PHKB: variants seen among roughly 807,000 people sequenced by gnomAD.
The protein encoded by PHKB is phosphorylase kinase regulatory subunit beta, also known as phosphorylase b kinase regulatory subunit beta.
Under a neutral mutation model 152.1 loss-of-function variants are expected in PHKB, and 122 were observed. The ratio of observed to expected loss-of-function variants is 0.80; its 90% CI spans 0.69 to 0.93. The LOEUF is 0.93. Ranked by LOEUF, PHKB falls within the 40% of genes least tolerant of loss-of-function variation. PHKB has a pLI of 0.00. For missense variants in PHKB, 1,304 were observed against 1,328.4 expected, an observed-to-expected ratio of 0.98 and a Z score of 0.29; for synonymous variants, 436 against 464.9, an observed-to-expected ratio of 0.94 and a Z score of 0.80.
chr16:47,494,648 C>G (rs183092911), intron 1 of PHKB, among the ~76,000 whole-genome samples: 1 of 151,998 alleles, frequency 6.6e-6, no homozygotes, highest in Non-Finnish European at 1.5e-5. Flanking sequence ...GTGATGTTTG[C>G]GTATAGACAT....
intron 16 of PHKB, among the ~76,000 whole-genome samples, chr16:47,642,274 C>T (rs1321034978): frequency 6.6e-6 from 1 of 152,020 alleles, no homozygotes; most frequent in African/African-American, 2.4e-5. Flanking sequence ...GGTCTCAAAG[C>T]AATTATAAAG....
chr16:47,593,221 G>A (rs1320681074), intron 10 of PHKB, among the ~76,000 whole-genome samples: 1 of 146,074 alleles, frequency 6.8e-6, no homozygotes, highest in Non-Finnish European at 1.5e-5. Flanking sequence ...AAGAAAGAAA[G>A]AGGGAAGGAG....
At chr16:47,654,693 A>G (rs1461297692) in intron 20 of PHKB, among the ~76,000 whole-genome samples, 2 of 151,994 alleles carry the variant, frequency 1.3e-5, no homozygotes, top group African/African-American at 4.8e-5. Flanking sequence ...TCAGCAAACT[A>G]TCGCAAGGAC....
chr16:47,540,508 G>T (rs1448655766), intron 6 of PHKB, among the ~76,000 whole-genome samples: 4 of 151,898 alleles, frequency 2.6e-5, no homozygotes, highest in Non-Finnish European at 5.9e-5. Flanking sequence ...AATAAAACTT[G>T]CTGGTTTTGC....
At chr16:47,500,321 A>G (rs1431053849) in intron 3 of PHKB, among the ~76,000 whole-genome samples, 1 of 152,184 alleles carries the variant, frequency 6.6e-6, no homozygotes, top group East Asian at 1.9e-4. Flanking sequence ...GGTGTGAACC[A>G]CCATGCCCAG....
intron 20 of PHKB, among the ~76,000 whole-genome samples, chr16:47,652,403 A>G (rs1973253803): frequency 6.9e-6 from 1 of 144,504 alleles, no homozygotes; most frequent in South Asian, 2.2e-4. Flanking sequence ...TTTTTAATAC[A>G]TACACAGTAA....
chr16:47,544,228 G>A (rs1338268102), intron 6 of PHKB, among the ~76,000 whole-genome samples: 1 of 152,198 alleles, frequency 6.6e-6, no homozygotes, highest in African/African-American at 2.4e-5. Context: ...GGCATTTAGT[G>A]CTATAAATTT....
intron 7 of PHKB, among the ~76,000 whole-genome samples, chr16:47,569,836 T>G (rs2151686819): frequency 6.6e-6 from 1 of 152,298 alleles, no homozygotes; most frequent in African/African-American, 2.4e-5. Context: ...TTGACCAGGC[T>G]GGTCTTGAAC....
chr16:47,589,605 A>G (rs564934860), intron 10 of PHKB, among the ~76,000 whole-genome samples: 3 of 152,312 alleles, frequency 2.0e-5, no homozygotes, highest in South Asian at 4.1e-4. Context: ...CTTTTAAAAT[A>G]TAGTCCTCTA....
chr16:47,582,944 G>A (rs766336739), intron 8 of PHKB, among the ~76,000 whole-genome samples: 14 of 152,094 alleles, frequency 9.2e-5, no homozygotes, highest in Non-Finnish European at 1.8e-4. Flanking sequence ...GTACAGGCAT[G>A]TGCCACCACA....
chr16:47,657,690 T>A (rs1331753377), intron 20 of PHKB, among the ~76,000 whole-genome samples: 1 of 152,220 alleles, frequency 6.6e-6, no homozygotes, highest in Non-Finnish European at 1.5e-5. Context: ...AATAAACATT[T>A]ATTTTATGGG....
chr16:47,618,068 A>G (rs1441752763), intron 14 of PHKB, among the ~76,000 whole-genome samples: 1 of 152,222 alleles, frequency 6.6e-6, no homozygotes. Context: ...TTGCAAATCC[A>G]GTGCCCCTCT....
intron 6 of PHKB, among the ~76,000 whole-genome samples, chr16:47,518,629 G>GT (rs1168077200): frequency 4.6e-5 from 7 of 152,110 alleles, no homozygotes; most frequent in Non-Finnish European, 1.0e-4. Context: ...CCTAGTGTCT[G>GT]TAATAGTCTT....
intron 6 of PHKB, among the ~76,000 whole-genome samples, chr16:47,517,255 ATTTT>A (rs1214324029): frequency 7.1e-6 from 1 of 140,420 alleles, no homozygotes. Context: ...TTGTTCAGTA[ATTTT>A]TTTTTTTTTT....
chr16:47,619,839 T>A (rs1306980952), intron 14 of PHKB, among the ~76,000 whole-genome samples: 1 of 152,166 alleles, frequency 6.6e-6, no homozygotes, highest in Non-Finnish European at 1.5e-5. Context: ...TGCATTTTAT[T>A]GATTTATTGT....
chr16:47,635,492 A>AT (rs1972903277), intron 14 of PHKB, among the ~76,000 whole-genome samples: 1 of 152,116 alleles, frequency 6.6e-6, no homozygotes, highest in African/African-American at 2.4e-5. Flanking sequence ...TGACTTACAC[A>AT]TTTTTTGGCC....
chr16:47,636,877 G>T (rs1000703049), intron 14 of PHKB, among the ~76,000 whole-genome samples: 1 of 152,206 alleles, frequency 6.6e-6, no homozygotes, highest in African/African-American at 2.4e-5. Flanking sequence ...TGGGGGCCGG[G>T]CTGCCACCCC....
intron 1 of PHKB, among the ~76,000 whole-genome samples, chr16:47,486,582 C>CTA (rs1355567491): frequency 1.3e-5 from 2 of 152,130 alleles, no homozygotes; most frequent in African/African-American, 4.8e-5. Flanking sequence ...TGCTGATAGA[C>CTA]TGTATGTTCA....
chr16:47,646,656 G>T (rs1243797237), intron 16 of PHKB, among the ~76,000 whole-genome samples: 1 of 150,268 alleles, frequency 6.7e-6, no homozygotes, highest in Admixed American at 6.6e-5. Context: ...ATATTTTAAT[G>T]TAGTAGTTTA....
Sources: allele counts gnomAD v4.1 joint callset (sites outside exome capture counted in the v4.1 genomes callset), GRCh38; gene constraint gnomAD v4.1.1; transcripts MANE v1.5; gene names NCBI Gene and HGNC (gene_info 2026-07-23, HGNC 2026-07-21).